ZNF558: variants seen among roughly 807,000 people sequenced by gnomAD.
ZNF558 encodes the protein zinc finger protein 558.
A neutral mutation model predicts 37.6 loss-of-function variants in ZNF558; 23 were observed. That is an observed-to-expected ratio of 0.61 (90% CI 0.44 to 0.87). ZNF558 has a LOEUF of 0.87. ZNF558 is among the 40% of genes least tolerant of loss of function. The probability of loss-of-function intolerance (pLI) is 0.00; values close to 1 mark genes in which losing one functional copy is unlikely to be tolerated. For missense variants in ZNF558, 429 were observed against 483.7 expected (o/e 0.89, Z 1.06); for synonymous variants, 189 against 174.4 (o/e 1.08, Z -0.66).
At position 8,806,179 on chromosome 19, in the gene ZNF558, A is replaced by C. The variant is rs1555766311; in HGVS notation, c.*5102T>G. 1 of 152,160 alleles carries C rather than the reference A, an allele frequency of 6.6e-6. No homozygotes were observed. The highest frequency in any genetic ancestry group is 2.4e-5 in the African/African-American group (1 of 41,422). The allele number at this position is 152,160 out of a possible 1,614,324, so 9.4% of individuals were successfully genotyped here. ...GGAGATCAATGCAATGTGTTTTTAA[A>C]AGCATTTTATTTTGGAAAGTTTAGA... On this transcript the variant is annotated 3_prime_UTR_variant, in exon 10 of 10. Transcript: ENST00000601372.
At chr19:8,818,399 C>A (rs1213443563) in intron 7 of ZNF558, among the ~76,000 whole-genome samples, 1 of 152,094 alleles carries the variant, frequency 6.6e-6, no homozygotes, top group African/African-American at 2.4e-5. Flanking sequence ...TTGCAGTGAG[C>A]CGAGATCGCA....
chr19:8,821,637 T>C (rs2044093752), intron 6 of ZNF558: 2 of 1,320,060 alleles, frequency 1.5e-6, no homozygotes, highest in South Asian at 3.6e-5. Flanking sequence ...TCCCTCAATC[T>C]CCAGGGGATC....
chr19:8,826,953 T>C (rs941176244), intron 2 of ZNF558, among the ~76,000 whole-genome samples: 2 of 152,072 alleles, frequency 1.3e-5, no homozygotes, highest in African/African-American at 4.8e-5. Flanking sequence ...ACAGACCTAA[T>C]GTGCAGGTAG....
chr19:8,826,078 G>A (rs2044224666), intron 2 of ZNF558, among the ~76,000 whole-genome samples: 1 of 152,120 alleles, frequency 6.6e-6, no homozygotes, highest in Admixed American at 6.5e-5. Flanking sequence ...TGCCCTGCTG[G>A]TGTTGATGAT....
At chr19:8,833,096 G>A (rs943832563), upstream of ZNF558, 1 of 152,802 alleles carries the variant, frequency 6.5e-6, no homozygotes, top group South Asian at 2.0e-4. Context: ...CAGGGATCTG[G>A]GTATGAATAA....
At chr19:8,816,453 C>T (rs755797947) in intron 7 of ZNF558, among the ~76,000 whole-genome samples, 79 of 152,224 alleles carry the variant, frequency 5.2e-4, no homozygotes, top group Non-Finnish European at 9.4e-4. Context: ...ACAGGATCCT[C>T]GGTAAGATTA....
chr19:8,838,020 G>A, the ZNF558 span, among the ~76,000 whole-genome samples: 5 of 151,650 alleles, frequency 3.3e-5, no homozygotes, highest in African/African-American at 1.2e-4. Context: ...AGGCCGAGGC[G>A]GGCGGATCAT....
chr19:8,811,424 C>G lies in ZNF558; in HGVS notation c.1066G>C (p.Ala356Pro), dbSNP rs782652152. ...KPYECSDCGK[A>P]FNNLSAVKKH... ...TTCACAGCTGAGAGATTATTAAAGG[C>G]TTTTCCACAGTCACTGCACTCGTAG... Residue 356 changes from alanine (A) to proline (P), a missense_variant, in exon 10 of 10, where the codon GCC becomes CCC. Ala to Pro is a conservative substitution (Grantham distance 27, BLOSUM62 -1). Transcript: ENST00000601372. The G allele has an allele frequency of 4.3e-6, 7 of 1,614,016 alleles. No homozygotes were observed. Among genetic ancestry groups the G allele is most frequent in the Non-Finnish European group, 5.1e-6 (6 of 1,179,980 alleles).
chr19:8,819,713 G>A (rs576456584), intron 7 of ZNF558, among the ~76,000 whole-genome samples: 53 of 152,192 alleles, frequency 3.5e-4, no homozygotes, highest in South Asian at 8.3e-4. Flanking sequence ...CAAGGCAGGC[G>A]GATCATTTGA....
At chr19:8,826,580 G>A (rs970305210) in intron 2 of ZNF558, among the ~76,000 whole-genome samples, 4 of 152,092 alleles carry the variant, frequency 2.6e-5, no homozygotes, top group African/African-American at 9.7e-5. Context: ...TGGAGCTCAG[G>A]TGGTAATGCG....
At chr19:8,835,555 T>C (rs895278239), upstream of ZNF558, among the ~76,000 whole-genome samples, 2 of 152,246 alleles carry the variant, frequency 1.3e-5, no homozygotes, top group South Asian at 2.1e-4. Flanking sequence ...CAAGGAGAAA[T>C]TGGAATTCTT....
At chr19:8,818,211 T>C (rs978400351) in intron 7 of ZNF558, among the ~76,000 whole-genome samples, 2 of 152,116 alleles carry the variant, frequency 1.3e-5, no homozygotes, top group African/African-American at 4.8e-5. Context: ...CCCAGCACTT[T>C]GGGAGGTCGA....
chr19:8,819,774 T>C (rs1171837291), intron 7 of ZNF558, among the ~76,000 whole-genome samples: 3 of 151,866 alleles, frequency 2.0e-5, no homozygotes, highest in Non-Finnish European at 4.4e-5. Context: ...CCTGTCTCTA[T>C]AAAAAATACA....
At chr19:8,827,258 T>C (rs1250058358) in intron 2 of ZNF558, among the ~76,000 whole-genome samples, 1 of 152,172 alleles carries the variant, frequency 6.6e-6, no homozygotes, top group Admixed American at 6.5e-5. Flanking sequence ...ATGATGGAAA[T>C]GTTCTATAAT....
intron 2 of ZNF558, among the ~76,000 whole-genome samples, chr19:8,825,997 G>A (rs1366617466): frequency 6.6e-6 from 1 of 152,174 alleles, no homozygotes; most frequent in Admixed American, 6.5e-5. Context: ...AGAAGGATGG[G>A]ATGAGATGAG....
chr19:8,837,793 C>T, the ZNF558 span, among the ~76,000 whole-genome samples: 8 of 152,082 alleles, frequency 5.3e-5, no homozygotes, highest in Admixed American at 1.3e-4. Context: ...AACCAGATGA[C>T]GCATAAAATA....
intron 7 of ZNF558, among the ~76,000 whole-genome samples, chr19:8,813,455 T>C (rs1276365483): frequency 3.9e-5 from 6 of 152,092 alleles, no homozygotes; most frequent in African/African-American, 1.4e-4. Flanking sequence ...GCCTTCCAGG[T>C]TCAAGCGATT....
At chr19:8,814,502 T>C (rs782710254) in intron 7 of ZNF558, among the ~76,000 whole-genome samples, 3 of 152,112 alleles carry the variant, frequency 2.0e-5, no homozygotes, top group Admixed American at 1.3e-4. Context: ...AAAAAGATGT[T>C]TGGGGAGTAG....
chr19:8,831,936 G>C (rs2044367497), intron 1 of ZNF558: 1 of 152,280 alleles, frequency 6.6e-6, no homozygotes, highest in Admixed American at 6.5e-5. Context: ...CCCACAATTT[G>C]TGAAAACCAC....
Sources: gnomAD v4.1 joint callset for allele counts (sites outside exome capture counted in the v4.1 genomes callset) on GRCh38, gnomAD v4.1.1 for gene constraint, MANE v1.5 for transcripts, NCBI Gene and HGNC (gene_info 2026-07-23, HGNC 2026-07-21) for gene names.